Variants in KANK1 observed in about 807,000 individuals in gnomAD.
The protein encoded by KANK1 is KN motif and ankyrin repeat domains 1.
A neutral mutation model predicts 106.2 loss-of-function variants in KANK1; 109 were observed. That is an observed-to-expected ratio of 1.03 (90% CI 0.88 to 1.20). The LOEUF (loss-of-function observed/expected upper bound fraction) is 1.20, where lower values mean the gene tolerates loss of function less well. Among genes scored for constraint, KANK1 ranks in the 50% most tolerant of loss-of-function variants. The pLI is 0.00. For missense variants in KANK1, 2,399 were observed against 1,710.7 expected, an observed-to-expected ratio of 1.40 and a Z score of -7.10; for synonymous variants, 873 against 652.2, an observed-to-expected ratio of 1.34 and a Z score of -5.16.
At chr9:560,287 T>C (rs1173477485) in intron 1 of KANK1, among the ~76,000 whole-genome samples, 1 of 152,254 alleles carries the variant, frequency 6.6e-6, no homozygotes, top group Non-Finnish European at 1.5e-5. Flanking sequence ...TTAGGATTTT[T>C]TATGGATAAG....
rs556936785 is a variant in KANK1, at chr9:506,403, A to G, written c.-84+1649A>G. ...CAGTAGAGGAATAATTGCCTCCTGT[A>G]GAGACCCACAAGTTGGGAATACATT... On this transcript the variant is annotated intron_variant, in intron 1 of 11. Coordinates refer to ENST00000382297, the MANE Select transcript of KANK1 (RefSeq NM_015158.5). Among the ~76,000 whole-genome samples, 11 of 152,320 alleles carry G rather than the reference A, an allele frequency of 7.2e-5. No individual in the cohort carries two copies. The East Asian group carries it at 1.9e-3, about 27-fold the overall frequency.
At chr9:706,975 T>C in intron 2 of KANK1, 1 of 985,488 alleles carries the variant, frequency 1.0e-6, no homozygotes, top group Non-Finnish European at 1.2e-6. Flanking sequence ...GAACACACAT[T>C]TTCAGAAGAT....
At chr9:618,773 T>TA (rs1832467032) in intron 1 of KANK1, among the ~76,000 whole-genome samples, 1 of 152,134 alleles carries the variant, frequency 6.6e-6, no homozygotes, top group East Asian at 1.9e-4. Flanking sequence ...TTCCATTCAG[T>TA]AAGAAAGCTC....
At chr9:651,712 A>G (rs184592343) in intron 1 of KANK1, among the ~76,000 whole-genome samples, 1 of 152,350 alleles carries the variant, frequency 6.6e-6, no homozygotes, top group Non-Finnish European at 1.5e-5. Context: ...AATGTAGTGG[A>G]TAATGAAATG....
chr9:616,101 G>A (rs563271769), intron 1 of KANK1, among the ~76,000 whole-genome samples: 26 of 152,276 alleles, frequency 1.7e-4, no homozygotes, highest in African/African-American at 5.8e-4. Flanking sequence ...CACATCCACT[G>A]AAGCTCAATA....
At chr9:538,266 G>T (rs1267219414) in intron 1 of KANK1, among the ~76,000 whole-genome samples, 2 of 152,160 alleles carry the variant, frequency 1.3e-5, no homozygotes, top group Non-Finnish European at 2.9e-5. Context: ...TGTAGTAAGT[G>T]CTCAGTAATG....
chr9:563,909 A>G (rs1005737111), intron 1 of KANK1, among the ~76,000 whole-genome samples: 3 of 152,322 alleles, frequency 2.0e-5, no homozygotes, highest in Admixed American at 6.5e-5. Flanking sequence ...TGGAAACCCA[A>G]TAAAAATCAC....
intron 1 of KANK1, among the ~76,000 whole-genome samples, chr9:553,248 C>T (rs2641987): frequency 0.94 from 142,830 of 152,290 alleles, 67,037 homozygotes; most frequent in East Asian, 1. Flanking sequence ...CTCTACCTTC[C>T]AGGGACTTAA....
chr9:505,599 G>C (rs1475688851), intron 1 of KANK1, among the ~76,000 whole-genome samples: 4 of 152,240 alleles, frequency 2.6e-5, no homozygotes, highest in African/African-American at 9.6e-5. Context: ...AACTGTTCTT[G>C]GTGGCTCTTG....
intron 1 of KANK1, among the ~76,000 whole-genome samples, chr9:569,715 T>G (rs897067753): frequency 5.3e-5 from 8 of 152,348 alleles, no homozygotes; most frequent in African/African-American, 1.9e-4. Context: ...TACCAGAAGT[T>G]TACTTCTCTG....
At chr9:552,082 A>G (rs569416596) in intron 1 of KANK1, among the ~76,000 whole-genome samples, 11 of 152,232 alleles carry the variant, frequency 7.2e-5, no homozygotes, top group Admixed American at 5.2e-4. Flanking sequence ...AGCATGTAAC[A>G]GTAGGATCTA....
At chr9:524,982 CTTTTTTTTTT>C (rs35377139) in intron 1 of KANK1, among the ~76,000 whole-genome samples, 1 of 91,982 alleles carries the variant, frequency 1.1e-5, no homozygotes, top group Admixed American at 1.4e-4. Flanking sequence ...CTCTTGCTGC[CTTTTTTTTTT>C]TTTTTTTTTT....
intron 3 of KANK1, among the ~76,000 whole-genome samples, chr9:728,341 G>T (rs756147352): frequency 6.6e-6 from 1 of 152,104 alleles, no homozygotes; most frequent in African/African-American, 2.4e-5. Context: ...GGGACTACAG[G>T]CACCCCCCAC....
At chr9:642,838 A>T (rs1838787840) in intron 1 of KANK1, among the ~76,000 whole-genome samples, 1 of 148,328 alleles carries the variant, frequency 6.7e-6, no homozygotes, top group Non-Finnish European at 1.5e-5. Flanking sequence ...GTATTTTGAG[A>T]GTTTTATTTT....
intron 3 of KANK1, among the ~76,000 whole-genome samples, chr9:475,884 A>C (rs891918436): frequency 1.1e-4 from 16 of 151,690 alleles, no homozygotes; most frequent in Non-Finnish European, 1.8e-4. Context: ...ACAGAGTCTC[A>C]CTCTGTTGCC....
chr9:557,169 C>G (rs1038560517), intron 1 of KANK1, among the ~76,000 whole-genome samples: 4 of 127,950 alleles, frequency 3.1e-5, no homozygotes, highest in Non-Finnish European at 6.4e-5. Flanking sequence ...TGTGACAGAG[C>G]AAGACCATGT....
chr9:678,002 T>C (rs1022884104), intron 2 of KANK1, among the ~76,000 whole-genome samples: 7 of 152,202 alleles, frequency 4.6e-5, no homozygotes, highest in Non-Finnish European at 8.8e-5. Context: ...TAAAGCACTT[T>C]TGAAGACAAC....
chr9:727,781 T>G lies in KANK1; in HGVS notation c.2699-2270T>G, dbSNP rs182434436. Among the ~76,000 whole-genome samples, 58 of 152,158 alleles carry G rather than the reference T, an allele frequency of 3.8e-4. No individual in the cohort carries two copies. The East Asian group carries it at 0.011, about 28-fold the overall frequency. The stretch of plus-strand genomic sequence containing the variant: ...AATACATGGAATTTTATTATCTGCT[T>G]TTTTCAATTAACCATATATTACAAA... On this transcript the variant is annotated intron_variant, in intron 3 of 11. Transcript: ENST00000382297.
At chr9:557,703 A>C (rs1815192503) in intron 1 of KANK1, among the ~76,000 whole-genome samples, 1 of 152,210 alleles carries the variant, frequency 6.6e-6, no homozygotes. Flanking sequence ...AACTTAACTG[A>C]GGCCCCAAGA....
Sources: gnomAD v4.1 joint callset for allele counts (sites outside exome capture counted in the v4.1 genomes callset) on GRCh38, gnomAD v4.1.1 for gene constraint, MANE v1.5 for transcripts, NCBI Gene and HGNC (gene_info 2026-07-23, HGNC 2026-07-21) for gene names.